The following ARMCX5 variants were observed in gnomAD, a reference collection of about 807,000 sequenced individuals.
The protein encoded by ARMCX5 is armadillo repeat-containing X-linked protein 5.
ARMCX5 carries 1 observed loss-of-function variant against 7.5 expected under a neutral mutation model. The ratio of observed to expected loss-of-function variants is 0.13; its 90% confidence interval spans 0.05 to 0.63. The LOEUF is 0.63. ARMCX5 is among the 30% of genes least tolerant of loss of function. The probability of loss-of-function intolerance (pLI) is 0.86; values close to 1 mark genes in which losing one functional copy is unlikely to be tolerated. For missense variants in ARMCX5, 346 were observed against 402.2 expected (o/e 0.86, Z 1.19); for synonymous variants, 149 against 145.7 (o/e 1.02, Z -0.16).
In ARMCX5 at chrX:102,600,931, C is replaced by G. The variant is rs1332426290; in HGVS notation, c.-410C>G. On this transcript the variant is annotated 5_prime_UTR_variant, in exon 2 of 4. Transcript: ENST00000473968. ...GTGAATCCCTGTAGGTAGATCTGTCCCCAGGTCTGTGGAACTGTCAGTTGT... is the reference window on the plus strand; with the variant it reads ...GTGAATCCCTGTAGGTAGATCTGTCGCCAGGTCTGTGGAACTGTCAGTTGT... 2 of 111,342 alleles carry G rather than the reference C, an allele frequency of 1.8e-5. No homozygotes were observed. The highest frequency in any genetic ancestry group is 9.5e-5 in the Admixed American group (1 of 10,523). The allele number at this position is 111,342 out of a possible 1,213,427, so 9.2% of individuals were successfully genotyped here. A position where few individuals can be genotyped will look rare whatever the true frequency, so the allele number is the denominator to read the frequency against.
chrX:102,602,940 A>G lies in ARMCX5; in HGVS notation c.799A>G (p.Ile267Val). Residue 267 changes from isoleucine (I) to valine (V), a missense_variant, in exon 4 of 4, where the codon ATC becomes GTC. Coordinates refer to ENST00000473968, the MANE Select transcript of ARMCX5 (RefSeq NM_001168478.2). ...TPLGIRPLTKIPPYHGPYYQT... is the reference protein window; with the variant it reads ...TPLGIRPLTKVPPYHGPYYQT... Reference sequence around the variant, plus strand: ...TCTGGGGATTCGACCTTTGACCAAGATCCCACCTTATCATGGGCCTTATTA... The same window carrying G: ...TCTGGGGATTCGACCTTTGACCAAGGTCCCACCTTATCATGGGCCTTATTA... 1 of 1,211,014 alleles carries G rather than the reference A, an allele frequency of 8.3e-7. No individual in the cohort carries two copies.
Position 102,602,180 on chromosome X carries a change from G to T in ARMCX5, c.39G>T (p.Lys13Asn). Residue 13 changes from lysine (K) to asparagine (N), a missense_variant, in exon 4 of 4, where the codon AAG (lysine) becomes AAT (asparagine). Transcript: ENST00000473968. ...DSGTEARARGKAEAGLQDGIS... is the reference protein window; with the variant it reads ...DSGTEARARGNAEAGLQDGIS... ...GGACAGAAGCAAGGGCTAGAGGAAA[G>T]GCTGAGGCTGGCCTGCAAGATGGAA... 8.3e-7 allele frequency: 1 copy of T among 1,209,977 alleles called. No homozygotes were observed. The highest frequency in any genetic ancestry group is 3.0e-5 in the East Asian group (1 of 33,834).
chrX:102,600,536 C>A (rs1256215851), intron 1 of ARMCX5: 2 of 111,130 alleles, frequency 1.8e-5, no homozygotes, highest in African/African-American at 6.6e-5. Context: ...TCCTCCCTTA[C>A]CCGCATTATG....
Position 102,601,925 on chromosome X carries a change from C to A in ARMCX5, c.-217C>A, listed in dbSNP as rs1311378554. The A allele has an allele frequency of 5.0e-6, 2 of 403,148 alleles. No homozygotes were observed. Among genetic ancestry groups the A allele is most frequent in the Non-Finnish European group, 8.6e-6 (2 of 233,209 alleles). The allele number at this position is 403,148 out of a possible 1,213,427, so 33.2% of individuals were successfully genotyped here. On this transcript the variant is annotated 5_prime_UTR_variant, in exon 4 of 4. Transcript: ENST00000473968. ...CTGGTGGCCTTGGAGTGGCTGAAGACCACCACCCTCCACAGGGCTGGGCCC... is the reference window on the plus strand; with the variant it reads ...CTGGTGGCCTTGGAGTGGCTGAAGAACACCACCCTCCACAGGGCTGGGCCC...
At position 102,603,863 on chromosome X, in the gene ARMCX5, G is replaced by A; in HGVS notation, c.*45G>A. On this transcript the variant is annotated 3_prime_UTR_variant, in exon 4 of 4. Transcript: ENST00000473968. ...AAGCCTCAAACAGTTTTTTGGAGTTGCAATATGAAACCAATGCATATTGTA... is the reference window on the plus strand; with the variant it reads ...AAGCCTCAAACAGTTTTTTGGAGTTACAATATGAAACCAATGCATATTGTA... 2 of 844,930 alleles carry A rather than the reference G, an allele frequency of 2.4e-6. No individual in the cohort carries two copies. Among genetic ancestry groups the A allele is most frequent in the Non-Finnish European group, 3.3e-6 (2 of 599,929 alleles). The allele number at this position is 844,930 out of a possible 1,213,427, so 69.6% of individuals were successfully genotyped here.
Position 102,603,405 on chromosome X carries a change from A to T in ARMCX5, c.1264A>T (p.Ile422Leu). 8.3e-7 allele frequency: 1 copy of T among 1,210,590 alleles called. No homozygotes were observed. Among genetic ancestry groups the T allele is most frequent in the Non-Finnish European group, 1.1e-6 (1 of 894,716 alleles). Residue 422 changes from isoleucine to leucine, a missense_variant, in exon 4 of 4, where the codon ATA becomes TTA. By Grantham distance (5) the Ile-to-Leu change is conservative. Around this residue, in one of 3 missense-constraint regions of ARMCX5, gnomAD observed 139 missense variants for 141.1 expected, o/e 0.99. Transcript: ENST00000473968. ...ACTGAAATTACTAGGGCACTTGAGTATAAAATTTGAAGATCACTATGTGAT... is the reference window on the plus strand; with the variant it reads ...ACTGAAATTACTAGGGCACTTGAGTTTAAAATTTGAAGATCACTATGTGAT... ...AGLKLLGHLS[I>L]KFEDHYVITS...
Position 102,603,068 on chromosome X carries a change from T to G in ARMCX5, c.927T>G (p.Pro309=), listed in dbSNP as rs763940953. Residue 309 remains proline, a synonymous_variant, in exon 4 of 4, where the codon CCT becomes CCG. Transcript: ENST00000473968. ...HCKSRGFSLE[P]KEFDKLVALL... is the part of the protein sequence containing the mutation. ...AATCACGTGGCTTTAGTTTAGAGCC[T>G]AAAGAGTTTGATAAACTTGTTGCCC... The G allele has an allele frequency of 8.3e-7, 1 of 1,211,711 alleles. No individual in the cohort carries two copies. The highest frequency in any genetic ancestry group is 1.1e-6 in the Non-Finnish European group (1 of 895,267).
Position 102,603,311 on chromosome X carries a change from G to C in ARMCX5, c.1170G>C (p.Glu390Asp), listed in dbSNP as rs149355875. 1.1e-5 allele frequency: 13 copies of C among 1,210,701 alleles called. No homozygotes were observed. Among genetic ancestry groups the C allele is most frequent in the Non-Finnish European group, 1.5e-5 (13 of 894,795 alleles). ...SESSEEPKSG[E>D]SYIHQVCKGI... ...CTTCCGAAGAACCAAAATCAGGGGAGTCATATATACATCAAGTTTGTAAAG... is the reference window on the plus strand; with the variant it reads ...CTTCCGAAGAACCAAAATCAGGGGACTCATATATACATCAAGTTTGTAAAG... Residue 390 changes from glutamate (E) to aspartate (D), a missense_variant, in exon 4 of 4, where the codon GAG becomes GAC. Coordinates refer to ENST00000473968, the MANE Select transcript of ARMCX5 (RefSeq NM_001168478.2).
At position 102,602,717 on chromosome X, in the gene ARMCX5, C is replaced by G. The variant is rs766378329; in HGVS notation, c.576C>G (p.Thr192=). The G allele has an allele frequency of 1.4e-5, 17 of 1,207,612 alleles. No individual in the cohort carries two copies. Among genetic ancestry groups the G allele is most frequent in the Non-Finnish European group, 1.9e-5 (17 of 893,695 alleles). ...VGSWFWPEEE[T]SLQVYKPLPK... ...CCTGGTTCTGGCCTGAAGAAGAGAC[C>G]TCTCTTCAAGTTTATAAGCCCCTAC... The change falls in exon 4 of 4, where the codon ACC becomes ACG. Residue 192 remains threonine, a synonymous_variant. Coordinates refer to ENST00000473968, the MANE Select transcript of ARMCX5 (RefSeq NM_001168478.2).
At position 102,603,263 on chromosome X, in the gene ARMCX5, T is replaced by G; in HGVS notation, c.1122T>G (p.Ser374Arg). 8.3e-7 allele frequency: 1 copy of G among 1,211,215 alleles called. No homozygotes were observed. The highest frequency in any genetic ancestry group is 1.1e-6 in the Non-Finnish European group (1 of 895,285). The change falls in exon 4 of 4, where the codon AGT becomes AGG. Residue 374 changes from serine (S) to arginine (R), a missense_variant. Ser to Arg is a moderately radical substitution (Grantham distance 110, BLOSUM62 -1). Transcript: ENST00000473968. ...PNVKEHPGAL[S>R]MVDDSSESSE... Reference sequence around the variant, plus strand: ...TTAAAGAACACCCTGGAGCTTTAAGTATGGTGGATGACAGCTCTGAGTCTT... The same window carrying G: ...TTAAAGAACACCCTGGAGCTTTAAGGATGGTGGATGACAGCTCTGAGTCTT...
intron 1 of ARMCX5, chrX:102,600,700 T>C (rs990857856): frequency 2.7e-5 from 3 of 111,764 alleles, no homozygotes; most frequent in African/African-American, 9.8e-5. Context: ...TGTAGGGATG[T>C]TTGAGTTGTC....
intron 3 of ARMCX5, 179 bp downstream of exon 3, chrX:102,601,688 G>T (rs1195504661): frequency 8.3e-6 from 1 of 120,733 alleles, no homozygotes; most frequent in Non-Finnish European, 1.7e-5. Context: ...CCTGTTTGGT[G>T]ACTGGAAAGA....
In ARMCX5 at chrX:102,603,248, C is replaced by A. The variant is rs1382487281; in HGVS notation, c.1107C>A (p.His369Gln). 2.5e-6 allele frequency: 3 copies of A among 1,208,961 alleles called. No homozygotes were observed. Among genetic ancestry groups the A allele is most frequent in the African/African-American group, 3.5e-5 (2 of 56,982 alleles). Residue 369 changes from histidine (H) to glutamine (Q), a missense_variant, in exon 4 of 4, where the codon CAC (histidine) becomes CAA (glutamine). Physicochemically the swap from His to Gln is conservative, Grantham distance 24. Around this residue, in one of 3 missense-constraint regions of ARMCX5, gnomAD observed 139 missense variants for 141.1 expected, o/e 0.99. Transcript: ENST00000473968. ...TCAATAATCCCAATGTTAAAGAACA[C>A]CCTGGAGCTTTAAGTATGGTGGATG... ...NLVNNPNVKEHPGALSMVDDS... is the reference protein window; with the variant it reads ...NLVNNPNVKEQPGALSMVDDS...
Position 102,603,164 on chromosome X carries a change from T to C in ARMCX5, c.1023T>C (p.Tyr341=), listed in dbSNP as rs757444846. Residue 341 remains tyrosine (Y), a synonymous_variant, in exon 4 of 4, where the codon TAT becomes TAC. Transcript: ENST00000473968. Reference sequence around the variant, plus strand: ...TGATAATGGGCATCAGTCCTGCTTATCCATTTACTCAAGATATAATTCATG... The same window carrying C: ...TGATAATGGGCATCAGTCCTGCTTACCCATTTACTCAAGATATAATTCATG... ...ATMIMGISPA[Y]PFTQDIIHDV... 2 of 1,208,660 alleles carry C rather than the reference T, an allele frequency of 1.7e-6. No individual in the cohort carries two copies. The highest frequency in any genetic ancestry group is 3.5e-5 in the African/African-American group (2 of 57,158).
rs35897621 is a variant in ARMCX5 at position 102,603,776 on chromosome X, C to T, written c.1635C>T (p.Pro545=). The change falls in exon 4 of 4, where the codon CCC becomes CCT. Residue 545 remains proline (P), a synonymous_variant. Coordinates refer to ENST00000473968, the MANE Select transcript of ARMCX5 (RefSeq NM_001168478.2). Reference sequence around the variant, plus strand: ...AAGACTTAGCAGAGCACAGTGATCCCGAAGTGAGAGATAAAGTCATACGAT... The same window carrying T: ...AAGACTTAGCAGAGCACAGTGATCCTGAAGTGAGAGATAAAGTCATACGAT... ...KLQDLAEHSD[P]EVRDKVIRLI... 2,489 of 1,188,266 alleles carry T rather than the reference C, an allele frequency of 2.1e-3. 42 individuals carry two copies. The African/African-American group carries it at 0.04, about 19-fold the overall frequency.
chrX:102,603,724 A>C lies in ARMCX5; in HGVS notation c.1583A>C (p.Glu528Ala). 8.3e-7 allele frequency: 1 copy of C among 1,208,087 alleles called. No homozygotes were observed. The highest frequency in any genetic ancestry group is 1.1e-6 in the Non-Finnish European group (1 of 893,226). Residue 528 changes from glutamate (E) to alanine (A), a missense_variant, in exon 4 of 4, where the codon GAA becomes GCA. By Grantham distance (107) the Glu-to-Ala change is moderately radical. This residue lies in a region of ARMCX5 where 139 missense variants were observed against 141.1 expected (regional missense o/e 0.99). Coordinates refer to ENST00000473968, the MANE Select transcript of ARMCX5 (RefSeq NM_001168478.2). Reference sequence around the variant, plus strand: ...TCTGAGCTTATTTCAATATTCCAGGAAGCAAAACAGTTTGGTCAGAAACTC... The same window carrying C: ...TCTGAGCTTATTTCAATATTCCAGGCAGCAAAACAGTTTGGTCAGAAACTC... ...TKSELISIFQ[E>A]AKQFGQKLQD...
chrX:102,602,186 G>A lies in ARMCX5; in HGVS notation c.45G>A (p.Glu15=), dbSNP rs1012372121. The A allele has an allele frequency of 8.3e-7, 1 of 1,210,923 alleles. No homozygotes were observed. Among genetic ancestry groups the A allele is most frequent in the African/African-American group, 1.7e-5 (1 of 57,821 alleles). ...AAGCAAGGGCTAGAGGAAAGGCTGA[G>A]GCTGGCCTGCAAGATGGAATCAGTG... ...GTEARARGKA[E]AGLQDGISGP... The change falls in exon 4 of 4, where the codon GAG becomes GAA. Residue 15 remains glutamate, a synonymous_variant. Transcript: ENST00000473968.
rs371062313 is a variant in ARMCX5 at position 102,602,918 on chromosome X, G to A, written c.777G>A (p.Leu259=). 3.3e-6 allele frequency: 4 copies of A among 1,211,533 alleles called. No homozygotes were observed. The highest frequency in any genetic ancestry group is 4.5e-6 in the Non-Finnish European group (4 of 895,375). Residue 259 remains leucine, a synonymous_variant, in exon 4 of 4, where the codon CTG becomes CTA. Transcript: ENST00000473968. ...TLVETLIETP[L]GIRPLTKIPP... is the part of the protein sequence containing the mutation. ...TTGAGACCTTGATTGAAACTCCTCT[G>A]GGGATTCGACCTTTGACCAAGATCC...
At position 102,602,031 on chromosome X, in the gene ARMCX5, G is replaced by C; in HGVS notation, c.-111G>C. 1.6e-6 allele frequency: 1 copy of C among 624,117 alleles called. No homozygotes were observed. Among genetic ancestry groups the C allele is most frequent in the South Asian group, 2.8e-5 (1 of 35,391 alleles). 51.4% of individuals were successfully genotyped at this position (624,117 alleles called of 1,213,427 possible). A position where few individuals can be genotyped will look rare whatever the true frequency, so the allele number is the denominator to read the frequency against. ...CACTGGCAGAGCCTGTAGTTGGAAA[G>C]GGGACAGAGTGACTACTGGACTTTG... On this transcript the variant is annotated 5_prime_UTR_variant, in exon 4 of 4. Coordinates refer to ENST00000473968, the MANE Select transcript of ARMCX5 (RefSeq NM_001168478.2).
Sources: allele counts gnomAD v4.1 joint callset, GRCh38; gene constraint gnomAD v4.1.1; regional missense constraint gnomAD v4.1.1; transcripts MANE v1.5; gene names NCBI Gene and HGNC (gene_info 2026-07-23, HGNC 2026-07-21).